The following CLSTN2 variants were observed in gnomAD, a reference collection of about 807,000 sequenced individuals.
CLSTN2 encodes calsyntenin 2, also known as calsyntenin-2.
Under a neutral mutation model 101.2 loss-of-function variants are expected in CLSTN2, and 48 were observed. The ratio of observed to expected loss-of-function variants is 0.47; its 90% CI spans 0.38 to 0.60. The LOEUF (loss-of-function observed/expected upper bound fraction) is 0.60, where lower values mean the gene tolerates loss of function less well. Ranked by LOEUF, CLSTN2 falls within the 20% of genes least tolerant of loss-of-function variation. The pLI is 0.00. For synonymous variants in CLSTN2, 481 were observed against 463.6 expected (o/e 1.04, Z -0.48); for missense variants, 1,160 against 1,238.2 (o/e 0.94, Z 0.95).
intron 1 of CLSTN2, among the ~76,000 whole-genome samples, chr3:140,137,260 A>G (rs1186617197): frequency 6.6e-6 from 1 of 152,148 alleles, no homozygotes. Context: ...ACTTTTGCAA[A>G]TATCAAATTG....
Position 139,961,967 on chromosome 3 carries a change from C to A in CLSTN2, c.109+26484C>A, listed in dbSNP as rs1384441965. ...GTATTTTTCCAGGTTATTAAAAACT[C>A]CTCATAAATGTTACTTTTAATGGCT... On this transcript the variant is annotated intron_variant, in intron 1 of 16. Coordinates refer to ENST00000458420, the MANE Select transcript of CLSTN2 (RefSeq NM_022131.3). Among the ~76,000 whole-genome samples the A allele has an allele frequency of 3.9e-5, 6 of 152,108 alleles. No homozygotes were observed. The East Asian group carries it at 1.2e-3, about 29-fold the overall frequency.
At chr3:140,508,607 G>A (rs1934731257) in intron 8 of CLSTN2, 2 of 152,178 alleles carry the variant, frequency 1.3e-5, no homozygotes. Flanking sequence ...AGTTTATTGT[G>A]TTCAGAGAGG....
At chr3:140,528,855 A>AT (rs1400063541) in intron 8 of CLSTN2, among the ~76,000 whole-genome samples, 1 of 152,188 alleles carries the variant, frequency 6.6e-6, no homozygotes, top group East Asian at 1.9e-4. Flanking sequence ...ACATTTGAAG[A>AT]TTTTGTGTAC....
chr3:140,051,489 T>C (rs1423589966), intron 1 of CLSTN2, among the ~76,000 whole-genome samples: 4 of 152,152 alleles, frequency 2.6e-5, no homozygotes, highest in Non-Finnish European at 5.9e-5. Flanking sequence ...TGCACCCTTT[T>C]TGGGCTCTGC....
At chr3:140,561,432 A>G (rs993567360) in intron 12 of CLSTN2, among the ~76,000 whole-genome samples, 2 of 152,246 alleles carry the variant, frequency 1.3e-5, no homozygotes, top group African/African-American at 4.8e-5. Flanking sequence ...ATTTGGAGTC[A>G]TACAATTAGG....
intron 8 of CLSTN2, among the ~76,000 whole-genome samples, chr3:140,503,483 G>C (rs1006763979): frequency 6.6e-6 from 1 of 152,180 alleles, no homozygotes; most frequent in Non-Finnish European, 1.5e-5. Flanking sequence ...TGTGTAGTGG[G>C]CTATGCCGTC....
chr3:140,017,077 A>G (rs930861969), intron 1 of CLSTN2, among the ~76,000 whole-genome samples: 1 of 152,158 alleles, frequency 6.6e-6, no homozygotes, highest in African/African-American at 2.4e-5. Flanking sequence ...CTTTCATGAA[A>G]GCTGTCTTTC....
At chr3:140,127,510 AG>A (rs1296963229) in intron 1 of CLSTN2, among the ~76,000 whole-genome samples, 1 of 152,198 alleles carries the variant, frequency 6.6e-6, no homozygotes, top group Non-Finnish European at 1.5e-5. Context: ...AACTGACGAC[AG>A]GGGCGGTGCA....
intron 2 of CLSTN2, among the ~76,000 whole-genome samples, chr3:140,257,785 TATAAAC>T (rs1259957517): frequency 1.3e-5 from 2 of 152,180 alleles, no homozygotes; most frequent in African/African-American, 2.4e-5. Context: ...ACTTTGCTGA[TATAAAC>T]ATAAATATTA....
rs1400682528 is a variant in CLSTN2, at chr3:140,574,583, GA to G, written c.*8332del. The G allele has an allele frequency of 2.6e-5, 4 of 152,246 alleles. No individual in the cohort carries two copies. The highest frequency in any genetic ancestry group is 3.2e-3 in the Middle Eastern group (1 of 316). The allele number at this position is 152,246 out of a possible 1,614,324, so 9.4% of individuals were successfully genotyped here. A position where few individuals can be genotyped will look rare whatever the true frequency, so the allele number is the denominator to read the frequency against. ...AATGAAAAGAGGGCAACAGACTTGAGAAGAGCCAAAATGCAGACAGTGTGTA... is the reference window on the plus strand; with the variant it reads ...AATGAAAAGAGGGCAACAGACTTGAGAGAGCCAAAATGCAGACAGTGTGTA... On this transcript the variant is annotated 3_prime_UTR_variant, in exon 17 of 17. Coordinates refer to ENST00000458420, the MANE Select transcript of CLSTN2 (RefSeq NM_022131.3).
At chr3:139,936,628 T>A (rs1935026827) in intron 1 of CLSTN2, among the ~76,000 whole-genome samples, 1 of 152,146 alleles carries the variant, frequency 6.6e-6, no homozygotes, top group Non-Finnish European at 1.5e-5. Flanking sequence ...GAGCTACACT[T>A]GACCACTAGC....
chr3:140,483,929 G>A (rs1934183380), intron 8 of CLSTN2, among the ~76,000 whole-genome samples: 1 of 152,322 alleles, frequency 6.6e-6, no homozygotes, highest in East Asian at 1.9e-4. Context: ...TTGCCAGTCT[G>A]TGTCTTTTAA....
chr3:140,547,992 C>A (rs1459984768), intron 10 of CLSTN2, among the ~76,000 whole-genome samples: 2 of 152,200 alleles, frequency 1.3e-5, no homozygotes, highest in East Asian at 3.9e-4. Flanking sequence ...CATCCTTGAC[C>A]CAGTACTGCC....
intron 9 of CLSTN2, among the ~76,000 whole-genome samples, chr3:140,533,159 G>A (rs939335952): frequency 2.0e-5 from 3 of 152,248 alleles, no homozygotes; most frequent in African/African-American, 4.8e-5. Flanking sequence ...CAGGAAACCC[G>A]GCTCTCCAAG....
intron 16 of CLSTN2, 76 bp from the exon 17 acceptor site, chr3:140,565,977 G>T: frequency 1.9e-6 from 3 of 1,582,090 alleles, no homozygotes; most frequent in Non-Finnish European, 2.6e-6. Context: ...TTCCTTAATG[G>T]ATGGAGAGAC....
At chr3:140,364,794 C>G (rs2087768460) in intron 2 of CLSTN2, among the ~76,000 whole-genome samples, 1 of 152,164 alleles carries the variant, frequency 6.6e-6, no homozygotes, top group Non-Finnish European at 1.5e-5. Context: ...TTTATTCATT[C>G]ATTCATTCAT....
At chr3:140,253,384 T>C in intron 2 of CLSTN2, among the ~76,000 whole-genome samples, 1 of 152,220 alleles carries the variant, frequency 6.6e-6, no homozygotes, top group East Asian at 1.9e-4. Context: ...CTGAACTCCA[T>C]CTACTGTGCA....
chr3:140,166,420 A>G (rs1301895519), intron 1 of CLSTN2, among the ~76,000 whole-genome samples: 3 of 152,244 alleles, frequency 2.0e-5, no homozygotes, highest in African/African-American at 7.2e-5. Context: ...TTTTGCAATC[A>G]GTAAAGCATG....
At chr3:140,532,519 G>GT (rs1465410361) in intron 9 of CLSTN2, 33 bp downstream of exon 9, 10 of 1,579,064 alleles carry the variant, frequency 6.3e-6, no homozygotes, top group Non-Finnish European at 8.6e-6. Flanking sequence ...TCTCTGACCT[G>GT]TTTGTGAATA....
Sources: allele counts gnomAD v4.1 joint callset (sites outside exome capture counted in the v4.1 genomes callset), GRCh38; gene constraint gnomAD v4.1.1; transcripts MANE v1.5; gene names NCBI Gene and HGNC (gene_info 2026-07-23, HGNC 2026-07-21).